Variants in HPSE2 observed in about 807,000 individuals in gnomAD.
HPSE2 encodes inactive heparanase-2.
Under a neutral mutation model 60.5 loss-of-function variants are expected in HPSE2, and 38 were observed. The ratio of observed to expected loss-of-function variants is 0.63; its 90% CI spans 0.48 to 0.82. The LOEUF is 0.82. HPSE2 is among the 40% of genes least tolerant of loss of function. The pLI is 0.00. For missense variants in HPSE2, 713 were observed against 740.4 expected, an observed-to-expected ratio of 0.96 and a Z score of 0.43; for synonymous variants, 295 against 293.2, an observed-to-expected ratio of 1.01 and a Z score of -0.06.
chr10:99,295,569 T>C, the HPSE2 span, among the ~76,000 whole-genome samples: 2 of 152,202 alleles, frequency 1.3e-5, no homozygotes, highest in Non-Finnish European at 2.9e-5. Context: ...TTTTCTAAAA[T>C]CTTTGTAATA....
chr10:99,012,071 C>T (rs1157779168), intron 3 of HPSE2, among the ~76,000 whole-genome samples: 1 of 151,728 alleles, frequency 6.6e-6, no homozygotes, highest in Non-Finnish European at 1.5e-5. Flanking sequence ...AACTGCTTGA[C>T]ATATAATTTA....
intron 4 of HPSE2, among the ~76,000 whole-genome samples, chr10:98,731,417 T>C (rs61884640): frequency 0.013 from 1,974 of 152,324 alleles, 17 homozygotes; most frequent in Non-Finnish European, 0.018. Flanking sequence ...TTATACACTA[T>C]GACCAAGTGG....
intron 3 of HPSE2, among the ~76,000 whole-genome samples, chr10:99,007,508 C>T (rs1449818891): frequency 6.6e-6 from 1 of 152,166 alleles, no homozygotes; most frequent in African/African-American, 2.4e-5. Context: ...GCTTCTGTTG[C>T]TGATGTAAAG....
At chr10:98,611,122 G>A (rs1054076970) in intron 9 of HPSE2, among the ~76,000 whole-genome samples, 6 of 152,214 alleles carry the variant, frequency 3.9e-5, no homozygotes, top group African/African-American at 1.4e-4. Flanking sequence ...AGTGGGAGTC[G>A]AGTGATGAAG....
chr10:99,043,348 G>T (rs1430859233), intron 3 of HPSE2, among the ~76,000 whole-genome samples: 1 of 152,106 alleles, frequency 6.6e-6, no homozygotes, highest in African/African-American at 2.4e-5. Flanking sequence ...GCTGGGCGTG[G>T]TGGTGGGCAC....
chr10:99,136,885 G>A (rs2135755890), intron 3 of HPSE2, among the ~76,000 whole-genome samples: 1 of 152,234 alleles, frequency 6.6e-6, no homozygotes, highest in South Asian at 2.1e-4. Flanking sequence ...TGGAAGTTCT[G>A]GCTAGGACAA....
chr10:98,555,372 TC>T (rs1943976237), intron 9 of HPSE2, among the ~76,000 whole-genome samples: 1 of 152,202 alleles, frequency 6.6e-6, no homozygotes, highest in South Asian at 2.1e-4. Context: ...GCCTCCGCTT[TC>T]CTGCAGAGCC....
At chr10:99,293,747 C>T in the HPSE2 span, among the ~76,000 whole-genome samples, 31 of 152,138 alleles carry the variant, frequency 2.0e-4, no homozygotes, top group South Asian at 6.0e-3. Flanking sequence ...ATACTTTAAT[C>T]AATAATATAA....
chr10:99,234,029 G>C (rs1025261604), intron 1 of HPSE2, among the ~76,000 whole-genome samples: 6 of 152,236 alleles, frequency 3.9e-5, no homozygotes, highest in African/African-American at 1.2e-4. Flanking sequence ...AAGGGGGTCT[G>C]CGCAGCTGAA....
the HPSE2 span, among the ~76,000 whole-genome samples, chr10:99,289,356 T>G: frequency 6.8e-4 from 2 of 2,946 alleles, no homozygotes; most frequent in South Asian, 0.016. Context: ...ACATCATCTG[T>G]TTTTTTTTTG....
the HPSE2 span, among the ~76,000 whole-genome samples, chr10:99,295,075 T>C: frequency 6.6e-6 from 1 of 152,160 alleles, no homozygotes; most frequent in Non-Finnish European, 1.5e-5. Flanking sequence ...AGATGAGAAA[T>C]GAATTTAAGC....
chr10:98,860,654 A>C (rs1224364566), intron 3 of HPSE2, among the ~76,000 whole-genome samples: 1 of 152,186 alleles, frequency 6.6e-6, no homozygotes, highest in Non-Finnish European at 1.5e-5. Context: ...AACCCTAGAA[A>C]TCTAACACAA....
the HPSE2 span, among the ~76,000 whole-genome samples, chr10:99,248,756 G>T: frequency 6.6e-6 from 1 of 152,370 alleles, no homozygotes; most frequent in East Asian, 1.9e-4. Flanking sequence ...TAGGAGGGAA[G>T]AATGGTTTTG....
At chr10:98,875,587 T>C (rs578045035) in intron 3 of HPSE2, among the ~76,000 whole-genome samples, 10 of 151,938 alleles carry the variant, frequency 6.6e-5, no homozygotes, top group African/African-American at 2.4e-4. Flanking sequence ...ACAGCTGAAT[T>C]CTACCAGAGG....
chr10:99,024,128 T>C (rs1957325285), intron 3 of HPSE2, among the ~76,000 whole-genome samples: 1 of 152,194 alleles, frequency 6.6e-6, no homozygotes, highest in South Asian at 2.1e-4. Flanking sequence ...TTCTATCAGA[T>C]ACATTTAACA....
At chr10:98,720,960 C>T (rs1948907629) in intron 5 of HPSE2, among the ~76,000 whole-genome samples, 1 of 152,052 alleles carries the variant, frequency 6.6e-6, no homozygotes, top group African/African-American at 2.4e-5. Context: ...ATTTAGAGTG[C>T]TGACATTTTT....
chr10:98,864,761 T>C (rs1952547471), intron 3 of HPSE2, among the ~76,000 whole-genome samples: 1 of 152,180 alleles, frequency 6.6e-6, no homozygotes, highest in Non-Finnish European at 1.5e-5. Context: ...TCTTTGACAT[T>C]CATTGTCTGA....
chr10:99,066,146 C>T (rs890541333), intron 3 of HPSE2, among the ~76,000 whole-genome samples: 1 of 152,156 alleles, frequency 6.6e-6, no homozygotes, highest in African/African-American at 2.4e-5. Context: ...AAATACTCAA[C>T]CCCAATATCC....
chr10:99,084,233 T>C (rs972674541), intron 3 of HPSE2, among the ~76,000 whole-genome samples: 1 of 152,118 alleles, frequency 6.6e-6, no homozygotes, highest in African/African-American at 2.4e-5. Context: ...AGAGAAGCAT[T>C]TGCTTTTCTT....
Sources: gnomAD v4.1 joint callset for allele counts (sites outside exome capture counted in the v4.1 genomes callset) on GRCh38, gnomAD v4.1.1 for gene constraint, MANE v1.5 for transcripts, NCBI Gene and HGNC (gene_info 2026-07-23, HGNC 2026-07-21) for gene names.